LRRIQ3: variants seen among roughly 807,000 people sequenced by gnomAD.
The protein encoded by LRRIQ3 is leucine-rich repeat and IQ domain-containing protein 3.
LRRIQ3 carries 75 observed loss-of-function variants against 59.3 expected under a neutral mutation model. The observed-to-expected ratio is 1.26, with a 90% CI of 1.05 to 1.53. The LOEUF is 1.53. LRRIQ3 is among the 40% of genes most tolerant of loss of function. The probability of loss-of-function intolerance (pLI) is 0.00; values close to 1 mark genes in which losing one functional copy is unlikely to be tolerated. For synonymous variants in LRRIQ3, 250 were observed against 231.3 expected (o/e 1.08, Z -0.73); for missense variants, 831 against 710.0 (o/e 1.17, Z -1.94).
chr1:74,145,772 G>C (rs1362413179), intron 4 of LRRIQ3, among the ~76,000 whole-genome samples: 1 of 151,616 alleles, frequency 6.6e-6, no homozygotes. Context: ...TTTTTATCTA[G>C]TTTTAAAAAT....
At chr1:74,027,686 G>A (rs1475728916) in intron 7 of LRRIQ3, among the ~76,000 whole-genome samples, 1 of 151,970 alleles carries the variant, frequency 6.6e-6, no homozygotes, top group African/African-American at 2.4e-5. Context: ...TGCCAAACCG[G>A]GGAAATGTCA....
intron 1 of LRRIQ3, among the ~76,000 whole-genome samples, chr1:74,192,353 T>C (rs982028075): frequency 2.0e-5 from 3 of 152,128 alleles, no homozygotes; most frequent in Non-Finnish European, 2.9e-5. Flanking sequence ...GAAGTAAGCA[T>C]AGCACCCAAC....
At chr1:74,151,825 T>C (rs963718139) in intron 4 of LRRIQ3, among the ~76,000 whole-genome samples, 1 of 151,972 alleles carries the variant, frequency 6.6e-6, no homozygotes, top group East Asian at 1.9e-4. Context: ...AGGGAGGTAA[T>C]AGAAACCACA....
intron 6 of LRRIQ3, chr1:74,050,597 C>T: frequency 1.0e-6 from 1 of 985,140 alleles, no homozygotes; most frequent in Non-Finnish European, 1.2e-6. Context: ...TGGTCCAAAC[C>T]TATTTAAAAT....
intron 6 of LRRIQ3, among the ~76,000 whole-genome samples, chr1:74,074,368 T>A (rs1418548333): frequency 3.3e-5 from 5 of 152,134 alleles, no homozygotes; most frequent in Non-Finnish European, 5.9e-5. Context: ...AACACACAGA[T>A]CAAGAAATAA....
intron 6 of LRRIQ3, among the ~76,000 whole-genome samples, chr1:74,063,428 C>T (rs1377520392): frequency 6.6e-6 from 1 of 152,068 alleles, no homozygotes; most frequent in Non-Finnish European, 1.5e-5. Context: ...GTCAAATCTT[C>T]TAGGTCCATT....
chr1:74,124,080 C>A (rs1023471231), intron 4 of LRRIQ3, among the ~76,000 whole-genome samples: 1 of 151,908 alleles, frequency 6.6e-6, no homozygotes, highest in Non-Finnish European at 1.5e-5. Context: ...GATGGTATCT[C>A]AATGTAGCTT....
At chr1:74,155,565 A>G (rs930464651) in intron 4 of LRRIQ3, 168 bp downstream of exon 4, 2 of 433,012 alleles carry the variant, frequency 4.6e-6, no homozygotes, top group Non-Finnish European at 8.1e-6. Flanking sequence ...GTTAAATATT[A>G]TATTACTATA....
chr1:74,034,635 G>GACACACAC (rs10567002), intron 7 of LRRIQ3, among the ~76,000 whole-genome samples: 1 of 146,882 alleles, frequency 6.8e-6, no homozygotes, highest in African/African-American at 2.5e-5. Flanking sequence ...AGCACACACA[G>GACACACAC]ACACACACAC....
intron 4 of LRRIQ3, among the ~76,000 whole-genome samples, chr1:74,127,610 C>A (rs997681159): frequency 4.0e-5 from 6 of 151,814 alleles, no homozygotes; most frequent in African/African-American, 1.4e-4. Context: ...AAATTCGACA[C>A]TGGACTTCAT....
At chr1:74,129,693 A>T (rs966071996) in intron 4 of LRRIQ3, among the ~76,000 whole-genome samples, 1 of 152,054 alleles carries the variant, frequency 6.6e-6, no homozygotes, top group African/African-American at 2.4e-5. Flanking sequence ...GTGCAGGGTC[A>T]CATCTGAAGC....
intron 4 of LRRIQ3, among the ~76,000 whole-genome samples, chr1:74,127,256 C>T (rs1345148937): frequency 6.6e-6 from 1 of 151,836 alleles, no homozygotes; most frequent in Non-Finnish European, 1.5e-5. Flanking sequence ...AAGTGTATTT[C>T]TTACTGGTAA....
intron 6 of LRRIQ3, among the ~76,000 whole-genome samples, chr1:74,067,073 A>C (rs1471508038): frequency 6.6e-6 from 1 of 152,170 alleles, no homozygotes; most frequent in African/African-American, 2.4e-5. Flanking sequence ...ACAAGTCACC[A>C]AAGATCCTTT....
chr1:74,192,615 A>G (rs1650839231), intron 1 of LRRIQ3, among the ~76,000 whole-genome samples: 1 of 152,016 alleles, frequency 6.6e-6, no homozygotes, highest in Non-Finnish European at 1.5e-5. Flanking sequence ...ATTTACATTC[A>G]TTTTCTCTAT....
At chr1:74,172,608 T>C (rs1649394026) in intron 3 of LRRIQ3, among the ~76,000 whole-genome samples, 2 of 152,192 alleles carry the variant, frequency 1.3e-5, no homozygotes, top group Non-Finnish European at 2.9e-5. Context: ...CCCAGTGTTA[T>C]TCAAGTCTGC....
At chr1:74,059,649 T>C (rs866994092) in intron 6 of LRRIQ3, among the ~76,000 whole-genome samples, 33 of 152,210 alleles carry the variant, frequency 2.2e-4, no homozygotes, top group Middle Eastern at 6.8e-3. Flanking sequence ...TCAAATTTGT[T>C]TTTATTTTTA....
At chr1:74,174,471 C>G (rs1399543014) in intron 3 of LRRIQ3, among the ~76,000 whole-genome samples, 2 of 151,950 alleles carry the variant, frequency 1.3e-5, no homozygotes, top group African/African-American at 4.8e-5. Flanking sequence ...TAACCTCTGC[C>G]TCCCAGGTTC....
At chr1:74,100,330 C>T (rs189374169) in intron 5 of LRRIQ3, among the ~76,000 whole-genome samples, 140 of 152,198 alleles carry the variant, frequency 9.2e-4, no homozygotes, top group African/African-American at 3.3e-3. Context: ...GAGTAAAATA[C>T]CTAAGAATCC....
chr1:74,030,580 C>T (rs909926059), intron 7 of LRRIQ3, among the ~76,000 whole-genome samples: 2 of 152,122 alleles, frequency 1.3e-5, no homozygotes, highest in Admixed American at 6.6e-5. Context: ...GAAACTGGAT[C>T]CCTTCCTTAC....
Sources: gnomAD v4.1 joint callset for allele counts (sites outside exome capture counted in the v4.1 genomes callset) on GRCh38, gnomAD v4.1.1 for gene constraint, MANE v1.5 for transcripts, NCBI Gene and HGNC (gene_info 2026-07-23, HGNC 2026-07-21) for gene names.